Variants in DOCK3 observed in about 807,000 individuals in gnomAD.
DOCK3 encodes dedicator of cytokinesis protein 3.
DOCK3 carries 60 observed loss-of-function variants against 265.6 expected under a neutral mutation model. The ratio of observed to expected loss-of-function variants is 0.23; its 90% confidence interval spans 0.18 to 0.28. DOCK3 has a LOEUF of 0.28. DOCK3 is among the 10% of genes least tolerant of loss of function. The pLI, the probability that DOCK3 is intolerant of heterozygous loss-of-function variation, is 1.00. For missense variants in DOCK3, 1,981 were observed against 2,594.3 expected (o/e 0.76, Z 5.14); for synonymous variants, 881 against 938.0 (o/e 0.94, Z 1.11).
At chr3:51,336,548 C>T (rs1373200819) in intron 35 of DOCK3, among the ~76,000 whole-genome samples, 1 of 152,176 alleles carries the variant, frequency 6.6e-6, no homozygotes, top group Non-Finnish European at 1.5e-5. Context: ...CTTCAGAAGC[C>T]TCTTTCTGGA....
intron 5 of DOCK3, among the ~76,000 whole-genome samples, chr3:51,055,352 C>T (rs1433204522): frequency 6.6e-6 from 1 of 152,190 alleles, no homozygotes; most frequent in East Asian, 1.9e-4. Flanking sequence ...TTGCATCTTA[C>T]TGATTTCTTC....
chr3:50,986,276 AT>A (rs1263327638), intron 5 of DOCK3, among the ~76,000 whole-genome samples: 1 of 152,250 alleles, frequency 6.6e-6, no homozygotes, highest in Non-Finnish European at 1.5e-5. Flanking sequence ...TATAGTTACA[AT>A]CTAAAGTAAA....
At chr3:50,750,239 G>GAA (rs35987466) in intron 1 of DOCK3, among the ~76,000 whole-genome samples, 129,412 of 151,158 alleles carry the variant, frequency 0.86, 55,691 homozygotes, top group East Asian at 0.94. Context: ...TGGGTCCATG[G>GAA]AAAAATGTCT....
intron 3 of DOCK3, among the ~76,000 whole-genome samples, chr3:50,880,007 T>C (rs1372337814): frequency 6.6e-6 from 1 of 152,214 alleles, no homozygotes; most frequent in Non-Finnish European, 1.5e-5. Flanking sequence ...ACATGGAAAC[T>C]GAACAACCTG....
At chr3:50,697,164 C>G (rs917049355) in intron 1 of DOCK3, among the ~76,000 whole-genome samples, 1 of 151,920 alleles carries the variant, frequency 6.6e-6, no homozygotes, top group Non-Finnish European at 1.5e-5. Flanking sequence ...TTCCTGACCT[C>G]AAGTGATCCA....
intron 5 of DOCK3, among the ~76,000 whole-genome samples, chr3:50,980,791 C>G (rs137887975): frequency 6.6e-6 from 1 of 152,012 alleles, no homozygotes; most frequent in African/African-American, 2.4e-5. Context: ...GCTTTGGTAT[C>G]AGCTATAATA....
intron 10 of DOCK3, among the ~76,000 whole-genome samples, chr3:51,156,814 A>G (rs181918333): frequency 1.3e-5 from 2 of 152,318 alleles, no homozygotes; most frequent in African/African-American, 4.8e-5. Context: ...CCATAGGTAC[A>G]TTGGAGTCAG....
chr3:50,940,092 C>A (rs570472955), intron 5 of DOCK3, among the ~76,000 whole-genome samples: 2 of 152,238 alleles, frequency 1.3e-5, no homozygotes, highest in African/African-American at 4.8e-5. Flanking sequence ...CACACACATT[C>A]ATATTTCCAC....
chr3:50,897,106 C>T (rs2048931866), intron 4 of DOCK3, among the ~76,000 whole-genome samples: 1 of 152,156 alleles, frequency 6.6e-6, no homozygotes, highest in Admixed American at 6.6e-5. Context: ...ACTGATTCTT[C>T]CTATCCATGA....
chr3:51,182,769 A>G (rs548864928), intron 12 of DOCK3, among the ~76,000 whole-genome samples: 10 of 152,312 alleles, frequency 6.6e-5, no homozygotes, highest in South Asian at 2.1e-4. Context: ...TTCTCCTGCC[A>G]ACAGATGCTC....
intron 28 of DOCK3, 41 bp downstream of exon 28, chr3:51,310,367 T>C: frequency 6.7e-7 from 1 of 1,495,254 alleles, no homozygotes; most frequent in Non-Finnish European, 9.2e-7. Flanking sequence ...ACTGAGCTGT[T>C]CTCAGACTAA....
At chr3:50,801,328 C>T (rs2043055224) in intron 2 of DOCK3, among the ~76,000 whole-genome samples, 1 of 151,472 alleles carries the variant, frequency 6.6e-6, no homozygotes, top group Non-Finnish European at 1.5e-5. Flanking sequence ...AGTGGTTTGG[C>T]AGGAAAAATG....
intron 32 of DOCK3, among the ~76,000 whole-genome samples, chr3:51,320,208 G>A (rs1204617430): frequency 1.3e-5 from 2 of 152,152 alleles, no homozygotes; most frequent in East Asian, 3.9e-4. Context: ...CTCCCGGGAA[G>A]CACAAGGGGT....
chr3:50,787,084 C>A, intron 2 of DOCK3: 1 of 727,328 alleles, frequency 1.4e-6, no homozygotes, highest in Non-Finnish European at 2.6e-6. Flanking sequence ...CATGAAGGAT[C>A]CAGTTTCTTG....
chr3:51,253,251 T>C (rs916232986), intron 22 of DOCK3, among the ~76,000 whole-genome samples: 2 of 152,234 alleles, frequency 1.3e-5, no homozygotes, highest in Non-Finnish European at 2.9e-5. Context: ...GATGTGCTAC[T>C]GGATTCAGTT....
intron 1 of DOCK3, among the ~76,000 whole-genome samples, chr3:50,768,039 T>C (rs1321753304): frequency 1.3e-5 from 2 of 152,342 alleles, no homozygotes; most frequent in African/African-American, 2.4e-5. Context: ...GTTTTCTAAA[T>C]ATACAATCAT....
At chr3:50,834,801 T>C (rs1367259014) in intron 2 of DOCK3, among the ~76,000 whole-genome samples, 4 of 152,200 alleles carry the variant, frequency 2.6e-5, no homozygotes, top group Non-Finnish European at 4.4e-5. Flanking sequence ...AGTGTCTTTT[T>C]TCTTTCCCTT....
intron 5 of DOCK3, among the ~76,000 whole-genome samples, chr3:51,054,121 T>TA (rs35733959): frequency 0.059 from 5,052 of 84,922 alleles, 281 homozygotes; most frequent in African/African-American, 0.16. Context: ...CGTAGCTTCC[T>TA]AAAAAAAAAA....
At chr3:50,805,671 T>G (rs1347428971) in intron 2 of DOCK3, among the ~76,000 whole-genome samples, 2 of 152,174 alleles carry the variant, frequency 1.3e-5, no homozygotes, top group Non-Finnish European at 2.9e-5. Flanking sequence ...ACAGGGCCTG[T>G]TTCTCCAGCT....
Sources: allele counts gnomAD v4.1 joint callset (sites outside exome capture counted in the v4.1 genomes callset), GRCh38; gene constraint gnomAD v4.1.1; transcripts MANE v1.5; gene names NCBI Gene and HGNC (gene_info 2026-07-23, HGNC 2026-07-21).